The following CADPS2 variants were observed in gnomAD, a reference collection of about 807,000 sequenced individuals.
CADPS2 encodes calcium-dependent secretion activator 2.
Under a neutral mutation model 172.5 loss-of-function variants are expected in CADPS2, and 93 were observed. The observed-to-expected ratio is 0.54, with a 90% CI of 0.46 to 0.64. The LOEUF (loss-of-function observed/expected upper bound fraction) is 0.64. CADPS2 is among the 30% of genes least tolerant of loss of function. The pLI is 0.00. For missense variants in CADPS2, 1,420 were observed against 1,565.9 expected (o/e 0.91, Z 1.57); for synonymous variants, 546 against 555.2 (o/e 0.98, Z 0.23).
chr7:122,688,888 A>G (rs565496932), intron 2 of CADPS2, among the ~76,000 whole-genome samples: 1 of 152,122 alleles, frequency 6.6e-6, no homozygotes, highest in African/African-American at 2.4e-5. Context: ...CCTTGGATAC[A>G]CAGGTTATAT....
chr7:122,376,190 A>G (rs2042323605), intron 25 of CADPS2, among the ~76,000 whole-genome samples: 1 of 152,182 alleles, frequency 6.6e-6, no homozygotes, highest in Admixed American at 6.5e-5. Context: ...CATGAAAAAT[A>G]GAACTACCAT....
intron 5 of CADPS2, among the ~76,000 whole-genome samples, chr7:122,621,155 G>C (rs2075566125): frequency 6.6e-6 from 1 of 152,012 alleles, no homozygotes; most frequent in South Asian, 2.1e-4. Flanking sequence ...TCTCGCCTCG[G>C]CCTCCCAAAG....
intron 1 of CADPS2, among the ~76,000 whole-genome samples, chr7:122,866,718 T>C (rs1818409608): frequency 1.3e-5 from 2 of 152,018 alleles, no homozygotes; most frequent in Non-Finnish European, 2.9e-5. Flanking sequence ...CAAACAAAAA[T>C]ACCCCTGAAG....
intron 6 of CADPS2, among the ~76,000 whole-genome samples, chr7:122,593,658 T>A (rs1298105572): frequency 6.6e-6 from 1 of 151,868 alleles, no homozygotes; most frequent in Non-Finnish European, 1.5e-5. Flanking sequence ...CTGAAAAAAT[T>A]GACAGTTTTG....
At chr7:122,412,307 G>A (rs1473719327) in intron 19 of CADPS2, among the ~76,000 whole-genome samples, 1 of 152,120 alleles carries the variant, frequency 6.6e-6, no homozygotes, top group Non-Finnish European at 1.5e-5. Context: ...TTTGTTCATG[G>A]TCAATTATTT....
At chr7:122,790,999 C>A (rs1795180157) in intron 1 of CADPS2, among the ~76,000 whole-genome samples, 3 of 152,152 alleles carry the variant, frequency 2.0e-5, no homozygotes, top group Admixed American at 2.0e-4. Context: ...TCTCAGATTT[C>A]AATATGCAGT....
intron 11 of CADPS2, among the ~76,000 whole-genome samples, chr7:122,485,825 A>G (rs542248458): frequency 9.8e-5 from 15 of 152,316 alleles, no homozygotes; most frequent in Admixed American, 5.2e-4. Context: ...CTCTCTTGTT[A>G]GTGGCTAATG....
intron 14 of CADPS2, among the ~76,000 whole-genome samples, chr7:122,459,852 A>C (rs534409157): frequency 3.9e-5 from 6 of 152,194 alleles, no homozygotes; most frequent in African/African-American, 1.4e-4. Flanking sequence ...TTCTGCCCCA[A>C]TAGAGTTTAT....
chr7:122,347,084 A>G (rs1167638610), intron 27 of CADPS2, among the ~76,000 whole-genome samples: 2 of 152,348 alleles, frequency 1.3e-5, no homozygotes, highest in East Asian at 1.9e-4. Flanking sequence ...TTAGCCTTGC[A>G]TCATTTCGTA....
At chr7:122,620,112 TA>T (rs1213415703) in intron 5 of CADPS2, among the ~76,000 whole-genome samples, 1 of 152,162 alleles carries the variant, frequency 6.6e-6, no homozygotes, top group Non-Finnish European at 1.5e-5. Context: ...GAAGTTTCAA[TA>T]AAAAAATTGA....
intron 1 of CADPS2, among the ~76,000 whole-genome samples, chr7:122,846,612 C>T (rs2096519718): frequency 6.6e-6 from 1 of 152,162 alleles, no homozygotes; most frequent in African/African-American, 2.4e-5. Flanking sequence ...TGTGGCAACT[C>T]TTTAAATATA....
At chr7:122,335,060 C>T (rs1022962585) in intron 28 of CADPS2, among the ~76,000 whole-genome samples, 1 of 152,148 alleles carries the variant, frequency 6.6e-6, no homozygotes, top group Non-Finnish European at 1.5e-5. Flanking sequence ...ATAGCCATCT[C>T]TATGGGCAAA....
In CADPS2 at chr7:122,336,470, C is replaced by G. The variant is rs145635022; in HGVS notation, c.3612+9104G>C. Among the ~76,000 whole-genome samples, 6 of 152,226 alleles carry G rather than the reference C, an allele frequency of 3.9e-5. No individual in the cohort carries two copies. In the East Asian group the frequency reaches 1.2e-3, roughly 29 times the overall value. ...ATTTCCATGAACAAGGCACTAGAGA[C>G]CAGTTGAAATGCAAGCATGCAAAGT... On this transcript the variant is annotated intron_variant, in intron 28 of 29. Coordinates refer to ENST00000449022, the MANE Select transcript of CADPS2 (RefSeq NM_017954.11).
intron 1 of CADPS2, among the ~76,000 whole-genome samples, chr7:122,800,176 C>A (rs1797303193): frequency 6.6e-6 from 1 of 152,174 alleles, no homozygotes; most frequent in Non-Finnish European, 1.5e-5. Flanking sequence ...GCAAAAACAT[C>A]CACGGTTATA....
chr7:122,431,901 A>ACCC (rs2049974195), intron 17 of CADPS2, among the ~76,000 whole-genome samples: 1 of 122,686 alleles, frequency 8.2e-6, no homozygotes, highest in South Asian at 3.2e-4. Context: ...AGCCTGGGTG[A>ACCC]CGAAGCAAGA....
intron 6 of CADPS2, among the ~76,000 whole-genome samples, chr7:122,581,715 T>C (rs2068847293): frequency 6.6e-6 from 1 of 152,154 alleles, no homozygotes; most frequent in Non-Finnish European, 1.5e-5. Flanking sequence ...TTACCCCACC[T>C]GAGAGGTCTT....
At chr7:122,691,411 A>G (rs2084343877) in intron 2 of CADPS2, among the ~76,000 whole-genome samples, 1 of 152,234 alleles carries the variant, frequency 6.6e-6, no homozygotes, top group Non-Finnish European at 1.5e-5. Flanking sequence ...TATAGGCCCT[A>G]GCCAACACTA....
Position 122,407,565 on chromosome 7 carries a change from C to G in CADPS2, c.2721G>C (p.Leu907=), listed in dbSNP as rs1236073894. The G allele has an allele frequency of 6.2e-7, 1 of 1,611,914 alleles. No homozygotes were observed. The highest frequency in any genetic ancestry group is 8.5e-7 in the Non-Finnish European group (1 of 1,179,044). ...DSWDSFPLFQ[L]LNNFLRNDTL... ...TGTCATTTCGGAGGAAATTATTAAG[C>G]AGTTGGAAAAGAGGAAAACTATCCC... is the stretch of plus-strand genomic sequence containing the variant. Residue 907 remains leucine (L), a synonymous_variant, in exon 20 of 30, where the codon CTG becomes CTC. Coordinates refer to ENST00000449022, the MANE Select transcript of CADPS2 (RefSeq NM_017954.11).
chr7:122,370,489 C>A (rs1247885332), intron 25 of CADPS2, among the ~76,000 whole-genome samples: 3 of 152,096 alleles, frequency 2.0e-5, no homozygotes, highest in Non-Finnish European at 1.5e-5. Context: ...AGTATTGATG[C>A]CAGAGCACAT....
Sources: allele counts gnomAD v4.1 joint callset (sites outside exome capture counted in the v4.1 genomes callset), GRCh38; gene constraint gnomAD v4.1.1; transcripts MANE v1.5; gene names NCBI Gene and HGNC (gene_info 2026-07-23, HGNC 2026-07-21).